MTSS2: variants seen among roughly 807,000 people sequenced by gnomAD.
MTSS2 encodes MTSS I-BAR domain containing 2.
A neutral mutation model predicts 67.1 loss-of-function variants in MTSS2; 27 were observed. That is an observed-to-expected ratio of 0.40 (90% CI 0.30 to 0.55). MTSS2 has a LOEUF of 0.55. MTSS2 is among the 20% of genes least tolerant of loss of function. MTSS2 has a pLI of 0.43. For synonymous variants in MTSS2, 624 were observed against 468.6 expected (o/e 1.33, Z -4.28); for missense variants, 1,171 against 1,067.8 (o/e 1.10, Z -1.35).
At chr16:70,674,190 C>T in intron 11 of MTSS2, 116 bp downstream of exon 11, 1 of 977,032 alleles carries the variant, frequency 1.0e-6, no homozygotes, top group Non-Finnish European at 1.5e-6. Context: ...GCCTTCAGGC[C>T]AGTCTCAACA....
chr16:70,675,875 G>A (rs2053100878), intron 10 of MTSS2, among the ~76,000 whole-genome samples: 1 of 152,168 alleles, frequency 6.6e-6, no homozygotes, highest in African/African-American at 2.4e-5. Context: ...TCCCTCAAGG[G>A]TGTCCAGCCC....
rs183660259 is a variant in MTSS2, at chr16:70,661,853, G to A, written c.*1824C>T. 4.0e-3 allele frequency: 638 copies of A among 158,820 alleles called. 6 individuals carry two copies. Among genetic ancestry groups the A allele is most frequent in the African/African-American group, 0.015 (622 of 41,508 alleles). The allele number at this position is 158,820 out of a possible 1,614,324, so 9.8% of individuals were successfully genotyped here. ...CTATTCCCACCACATCCTGAATCCT[G>A]CTCCACCGCCCTGCCTCGGAAGACC... On this transcript the variant is annotated 3_prime_UTR_variant, in exon 15 of 15. Coordinates refer to ENST00000338779, the MANE Select transcript of MTSS2 (RefSeq NM_138383.3).
Position 70,665,496 on chromosome 16 carries a change from C to T in MTSS2, c.1098G>A (p.Gln366=). The change falls in exon 12 of 15, where the codon CAG becomes CAA. Residue 366 remains glutamine (Q), a synonymous_variant. Coordinates refer to ENST00000338779, the MANE Select transcript of MTSS2 (RefSeq NM_138383.3). ...TGGGGGAGCTGCACTCGCTAACGGA[C>T]TGGCAGGTTTCCGAGGCCTCGGAAG... is the stretch of plus-strand genomic sequence containing the variant. The part of the protein sequence containing the change: ...SASSEASETC[Q]SVSECSSPTS... 4 of 1,554,268 alleles carry T rather than the reference C, an allele frequency of 2.6e-6. No homozygotes were observed. Among genetic ancestry groups the T allele is most frequent in the Non-Finnish European group, 3.5e-6 (4 of 1,150,094 alleles).
rs1317669408 is a variant in MTSS2, at chr16:70,677,800, T to C, written c.724A>G (p.Ser242Gly). ...TAEPHKLPPA[S>G]EQVIKDLKGS... ...CCAGAGGGCTCCCGCACCTGCTCGC[T>C]GGCGGGAGGCAGTTTGTGGGGTTCT... The change falls in exon 9 of 15, where the codon AGC becomes GGC. Residue 242 changes from serine (S) to glycine (G), a missense_variant. Ser to Gly is a moderately conservative substitution (Grantham distance 56). Transcript: ENST00000338779. The C allele has an allele frequency of 6.2e-7, 1 of 1,609,394 alleles. No individual in the cohort carries two copies. Among genetic ancestry groups the C allele is most frequent in the Admixed American group, 1.7e-5 (1 of 59,446 alleles).
chr16:70,674,295 C>G lies in MTSS2; in HGVS notation c.1053+11G>C. On this transcript the variant is annotated intron_variant, in intron 11 of 14. Coordinates refer to ENST00000338779, the MANE Select transcript of MTSS2 (RefSeq NM_138383.3). ...ACCCCACCCTGACTGATCCTCCTAA[C>G]GCCCCCTCACCTGGCTGGTGATGTC... 1.2e-6 allele frequency: 2 copies of G among 1,610,716 alleles called. No individual in the cohort carries two copies. The highest frequency in any genetic ancestry group is 1.1e-5 in the South Asian group (1 of 90,424).
At chr16:70,682,612 T>C (rs56694912) in intron 1 of MTSS2, among the ~76,000 whole-genome samples, 3,688 of 152,042 alleles carry the variant, frequency 0.024, 159 homozygotes, top group African/African-American at 0.083. Flanking sequence ...CCTCAGCAGA[T>C]GGACCTAGAT....
At position 70,663,781 on chromosome 16, in the gene MTSS2, C is replaced by T. The variant is rs759595687; in HGVS notation, c.2140G>A (p.Ala714Thr). 47 of 1,307,996 alleles carry T rather than the reference C, an allele frequency of 3.6e-5. No homozygotes were observed. Among genetic ancestry groups the T allele is most frequent in the South Asian group, 5.1e-5 (4 of 78,020 alleles). The allele number at this position is 1,307,996 out of a possible 1,614,324, so 81.0% of individuals were successfully genotyped here. The change falls in exon 15 of 15, where the codon GCC becomes ACC. Residue 714 changes from alanine (A) to threonine (T), a missense_variant. Ala to Thr is a moderately conservative substitution (Grantham distance 58, BLOSUM62 0). Coordinates refer to ENST00000338779, the MANE Select transcript of MTSS2 (RefSeq NM_138383.3). The stretch of plus-strand genomic sequence containing the variant: ...TCTTCGGCCGGGGGGTCGCTGGTGG[C>T]GGCTGGGGGTGGGGTGGGCGTCTCC... Reference protein sequence around the residue: ...TEETPTPPPAATSDPPAEDML... With the variant: ...TEETPTPPPATTSDPPAEDML...
intron 1 of MTSS2, among the ~76,000 whole-genome samples, chr16:70,681,801 G>T (rs1391880949): frequency 6.6e-6 from 1 of 152,250 alleles, no homozygotes; most frequent in African/African-American, 2.4e-5. Flanking sequence ...CCTGGCCACC[G>T]AGTTGTCCAA....
chr16:70,668,246 C>CA (rs1013290161), intron 11 of MTSS2, among the ~76,000 whole-genome samples: 1 of 151,516 alleles, frequency 6.6e-6, no homozygotes, highest in Non-Finnish European at 1.5e-5. Flanking sequence ...AACCCCAATA[C>CA]AAAAAATACA....
chr16:70,680,911 G>GGC (rs766882436), intron 2 of MTSS2, 44 bp from the exon 3 acceptor site: 16 of 1,481,800 alleles, frequency 1.1e-5, no homozygotes, highest in African/African-American at 4.1e-5. Flanking sequence ...GGTTGGGCGG[G>GGC]GGGGGGGCCT....
intron 7 of MTSS2, among the ~76,000 whole-genome samples, chr16:70,678,831 A>ACAGGGGG (rs926543586): frequency 6.6e-6 from 1 of 152,158 alleles, no homozygotes; most frequent in Non-Finnish European, 1.5e-5. Flanking sequence ...AGGCCAGGCC[A>ACAGGGGG]CAGGGGGCGG....
Position 70,663,848 on chromosome 16 carries a change from G to T in MTSS2, c.2073C>A (p.Gly691=). The change falls in exon 15 of 15, where the codon GGC becomes GGA. Residue 691 remains glycine (G), a synonymous_variant. Coordinates refer to ENST00000338779, the MANE Select transcript of MTSS2 (RefSeq NM_138383.3). ...ACAGAGCAGTGGGGAAGGGGAACTG[G>T]CCCTCACCCAGTGCGTGGGCACCCG... The part of the protein sequence containing the change: ...LVAGAHALGE[G]QFPFPTALSA... 1 of 1,541,248 alleles carries T rather than the reference G, an allele frequency of 6.5e-7. No homozygotes were observed.
At chr16:70,668,334 G>C (rs921024120) in intron 11 of MTSS2, among the ~76,000 whole-genome samples, 2 of 152,128 alleles carry the variant, frequency 1.3e-5, no homozygotes, top group East Asian at 3.9e-4. Flanking sequence ...GCTTAAGCCT[G>C]GGGACAGAGG....
chr16:70,664,120 A>G lies in MTSS2; in HGVS notation c.1801T>C (p.Ser601Pro), dbSNP rs772856405. 1.2e-6 allele frequency: 2 copies of G among 1,611,194 alleles called. No homozygotes were observed. The highest frequency in any genetic ancestry group is 1.7e-6 in the Non-Finnish European group (2 of 1,179,698). ...VPVKTPTVPD[S>P]PGYMGPTRAG... ...CGTGTGGGCCCCATGTAGCCGGGGG[A>G]GTCAGGCACCGTGGGCGTCTTCACA... Residue 601 changes from serine (S) to proline (P), a missense_variant, in exon 15 of 15, where the codon TCC becomes CCC. Ser to Pro is a moderately conservative substitution (Grantham distance 74). This residue lies in a region of MTSS2 where 924 missense variants were observed against 756.0 expected (regional missense o/e 1.22). Coordinates refer to ENST00000338779, the MANE Select transcript of MTSS2 (RefSeq NM_138383.3).
chr16:70,682,613 G>A (rs2053335863), intron 1 of MTSS2, among the ~76,000 whole-genome samples: 1 of 151,932 alleles, frequency 6.6e-6, no homozygotes, highest in Non-Finnish European at 1.5e-5. Flanking sequence ...CTCAGCAGAT[G>A]GACCTAGATG....
chr16:70,673,378 T>C (rs1267691397), intron 11 of MTSS2, among the ~76,000 whole-genome samples: 1 of 152,090 alleles, frequency 6.6e-6, no homozygotes, highest in African/African-American at 2.4e-5. Context: ...TTCCAACCAA[T>C]GGTGGAAGCC....
At chr16:70,675,758 G>A (rs1014354668) in intron 10 of MTSS2, among the ~76,000 whole-genome samples, 1 of 152,220 alleles carries the variant, frequency 6.6e-6, no homozygotes, top group Middle Eastern at 3.2e-3. Flanking sequence ...TCTGGTATTT[G>A]CCATCCAGTC....
intron 11 of MTSS2, among the ~76,000 whole-genome samples, chr16:70,669,736 G>C (rs966225581): frequency 2.0e-5 from 3 of 151,528 alleles, no homozygotes; most frequent in Admixed American, 6.6e-5. Flanking sequence ...AGAATTGCCT[G>C]AGCCCGGGAG....
At chr16:70,674,586 T>C in intron 10 of MTSS2, 58 bp from the exon 11 acceptor site, 1 of 1,498,308 alleles carries the variant, frequency 6.7e-7, no homozygotes, top group Non-Finnish European at 9.1e-7. Context: ...GGGGTGTGTG[T>C]TTGGGGGAGG....
Sources: allele counts gnomAD v4.1 joint callset (sites outside exome capture counted in the v4.1 genomes callset), GRCh38; gene constraint gnomAD v4.1.1; regional missense constraint gnomAD v4.1.1; transcripts MANE v1.5; gene names NCBI Gene and HGNC (gene_info 2026-07-23, HGNC 2026-07-21).